SPEN: variants seen among roughly 807,000 people sequenced by gnomAD.
SPEN encodes the protein msx2-interacting protein.
SPEN carries 18 observed loss-of-function variants against 269.9 expected under a neutral mutation model. The ratio of observed to expected loss-of-function variants is 0.07; its 90% CI spans 0.05 to 0.10. The LOEUF (loss-of-function observed/expected upper bound fraction) is 0.10. SPEN is among the 10% of genes least tolerant of loss of function. The pLI is 1.00. For missense variants in SPEN, 3,822 were observed against 4,631.2 expected (o/e 0.83, Z 5.07); for synonymous variants, 1,726 against 1,765.7 (o/e 0.98, Z 0.56).
chr1:15,902,426 A>G (rs2070911237), intron 3 of SPEN, among the ~76,000 whole-genome samples: 1 of 152,086 alleles, frequency 6.6e-6, no homozygotes. Flanking sequence ...TCTTACACTT[A>G]GATAACTGCT....
intron 1 of SPEN, among the ~76,000 whole-genome samples, chr1:15,853,312 G>T (rs1444289519): frequency 1.3e-5 from 2 of 149,254 alleles, no homozygotes; most frequent in Admixed American, 1.4e-4. Context: ...ATAGCCTCCT[G>T]AGTAGCTGGG....
Position 15,847,936 on chromosome 1 carries a change from CGCCGCCGCT to C in SPEN, c.-127_-119del, listed in dbSNP as rs1442373500. On this transcript the variant is annotated 5_prime_UTR_variant, in exon 1 of 15. Coordinates refer to ENST00000375759, the MANE Select transcript of SPEN (RefSeq NM_015001.3). Reference sequence around the variant, plus strand: ...CTGCACGGGGGGGAGCCGGAGGAGCCGCCGCCGCTGCCGACGCCACCGCCGCAGCCGCCG... The same window carrying C: ...CTGCACGGGGGGGAGCCGGAGGAGCCGCCGACGCCACCGCCGCAGCCGCCG... The C allele has an allele frequency of 1.3e-5, 5 of 385,788 alleles. No homozygotes were observed. Among genetic ancestry groups the C allele is most frequent in the Non-Finnish European group, 2.2e-5 (5 of 227,770 alleles). The allele number at this position is 385,788 out of a possible 1,614,324, so 23.9% of individuals were successfully genotyped here.
rs2071089741 is a variant in SPEN, at chr1:15,918,849, A to G, written c.1396-77A>G. The G allele has an allele frequency of 1.4e-5, 17 of 1,229,622 alleles. No homozygotes were observed. In the South Asian group the frequency reaches 2.4e-4, roughly 17 times the overall value. The allele number at this position is 1,229,622 out of a possible 1,614,324, so 76.2% of individuals were successfully genotyped here. ...AGAACATGACTTTTTTGAGAAATAAATACCCTATATGGACTTGGTTCATTC... is the reference window on the plus strand; with the variant it reads ...AGAACATGACTTTTTTGAGAAATAAGTACCCTATATGGACTTGGTTCATTC... On this transcript the variant is annotated intron_variant, in intron 6 of 14. Transcript: ENST00000375759.
rs753462734 is a variant in SPEN, at chr1:15,936,218, C to T, written c.9978C>T (p.Pro3326=). 4.0e-5 allele frequency: 62 copies of T among 1,564,684 alleles called. No individual in the cohort carries two copies. The highest frequency in any genetic ancestry group is 4.4e-5 in the Non-Finnish European group (51 of 1,148,708). The part of the protein sequence containing the change: ...PPAQLTHTQF[P]AASSVGLPSR... ...CCCAGCTCACACACACTCAGTTTCC[C>T]GCCGCTTCCTCTGTTGGCCTGCCTT... is the stretch of plus-strand genomic sequence containing the variant. The change falls in exon 11 of 15, where the codon CCC becomes CCT. Residue 3326 remains proline, a synonymous_variant. Coordinates refer to ENST00000375759, the MANE Select transcript of SPEN (RefSeq NM_015001.3).
chr1:15,933,158 T>C lies in SPEN; in HGVS notation c.6918T>C (p.Ser2306=). ...CCAAGGAAGCCAGAGGAAATAGCAGTGAAACCTCACACTCAGTGCCAGAAG... is the reference window on the plus strand; with the variant it reads ...CCAAGGAAGCCAGAGGAAATAGCAGCGAAACCTCACACTCAGTGCCAGAAG... The part of the protein sequence containing the change: ...TDTKEARGNS[S]ETSHSVPEAK... The change falls in exon 11 of 15, where the codon AGT becomes AGC. Residue 2306 remains serine (S), a synonymous_variant. Coordinates refer to ENST00000375759, the MANE Select transcript of SPEN (RefSeq NM_015001.3). The surrounding 1 kb of genome is among the most constrained non-coding windows in gnomAD (Gnocchi z 5.7). 6.2e-7 allele frequency: 1 copy of C among 1,614,028 alleles called. No individual in the cohort carries two copies. Among genetic ancestry groups the C allele is most frequent in the Non-Finnish European group, 8.5e-7 (1 of 1,180,032 alleles).
rs200414729 is a variant in SPEN, at chr1:15,928,966, A to T, written c.2726A>T (p.Lys909Ile). 2 of 1,614,116 alleles carry T rather than the reference A, an allele frequency of 1.2e-6. No homozygotes were observed. The highest frequency in any genetic ancestry group is 2.7e-5 in the African/African-American group (2 of 74,936). ...GCCAAGCTTGATAATGACACTGTCA[A>T]ATCTTCTGCCCTGGACCAGAAACTT... ...LKAKLDNDTV[K>I]SSALDQKLQV... Residue 909 changes from lysine to isoleucine, a missense_variant, in exon 11 of 15, where the codon AAA becomes ATA. By Grantham distance (102) the Lys-to-Ile change is moderately radical. Transcript: ENST00000375759. This position sits in a 1 kb window ranked among gnomAD's most constrained non-coding sequence, Gnocchi z 5.7.
At chr1:15,888,115 G>T (rs1013608628) in intron 3 of SPEN, among the ~76,000 whole-genome samples, 1 of 151,000 alleles carries the variant, frequency 6.6e-6, no homozygotes, top group Non-Finnish European at 1.5e-5. Flanking sequence ...TTATTTATTT[G>T]TCTTTTTTTT....
Position 15,930,092 on chromosome 1 carries a change from A to G in SPEN, c.3852A>G (p.Val1284=), listed in dbSNP as rs1434506910. The change falls in exon 11 of 15, where the codon GTA becomes GTG. Residue 1284 remains valine (V), a synonymous_variant. Transcript: ENST00000375759. This position sits in a 1 kb window ranked among gnomAD's most constrained non-coding sequence, Gnocchi z 5.3. ...TAGGCTCCCCTAGGCTACTGTCAGT[A>G]AAAGGGTCTCCTAAAGTAGATGAAA... is the stretch of plus-strand genomic sequence containing the variant. ...DPIGSPRLLS[V]KGSPKVDEKV... is the part of the protein sequence containing the mutation. The G allele has an allele frequency of 4.3e-6, 7 of 1,614,232 alleles. No homozygotes were observed. Among genetic ancestry groups the G allele is most frequent in the Non-Finnish European group, 5.9e-6 (7 of 1,180,040 alleles).
chr1:15,920,925 A>G lies in SPEN; in HGVS notation c.1691A>G (p.Tyr564Cys), dbSNP rs898876185. 1.2e-6 allele frequency: 2 copies of G among 1,613,270 alleles called. No homozygotes were observed. The highest frequency in any genetic ancestry group is 2.7e-5 in the African/African-American group (2 of 74,906). Residue 564 changes from tyrosine (Y) to cysteine (C), a missense_variant, in exon 9 of 15, where the codon TAT becomes TGT. By Grantham distance (194) the Tyr-to-Cys change is radical. This residue lies in a region of SPEN where 230 missense variants were observed against 426.1 expected (regional missense o/e 0.54). Coordinates refer to ENST00000375759, the MANE Select transcript of SPEN (RefSeq NM_015001.3). Reference sequence around the variant, plus strand: ...CTGGTTCTCTACAATGAAATTGAATATGCACAAGCAGCTGTAAAAGAGACC... The same window carrying G: ...CTGGTTCTCTACAATGAAATTGAATGTGCACAAGCAGCTGTAAAAGAGACC... ...MALVLYNEIEYAQAAVKETKG... is the reference protein window; with the variant it reads ...MALVLYNEIECAQAAVKETKG...
chr1:15,853,578 C>T (rs528363029), intron 1 of SPEN, among the ~76,000 whole-genome samples: 1 of 152,118 alleles, frequency 6.6e-6, no homozygotes, highest in East Asian at 1.9e-4. Context: ...ACTGCAACCT[C>T]CTCCTCCTGG....
At position 15,927,523 on chromosome 1, in the gene SPEN, T is replaced by A. The variant is rs183616595; in HGVS notation, c.1851-568T>A. 2.2e-4 allele frequency among the ~76,000 whole-genome samples: 33 copies of A among 152,288 alleles called. No homozygotes were observed. In the East Asian group the frequency reaches 5.8e-3, roughly 27 times the overall value. On this transcript the variant is annotated intron_variant, in intron 10 of 14. Coordinates refer to ENST00000375759, the MANE Select transcript of SPEN (RefSeq NM_015001.3). ...ATAGATGGCAAAATTTTAGTTAAAATTTTTATCTGTTTTTCTAAACAGTGG... is the reference window on the plus strand; with the variant it reads ...ATAGATGGCAAAATTTTAGTTAAAAATTTTATCTGTTTTTCTAAACAGTGG...
At chr1:15,911,600 T>C (rs2071012576) in intron 5 of SPEN, among the ~76,000 whole-genome samples, 1 of 152,122 alleles carries the variant, frequency 6.6e-6, no homozygotes, top group African/African-American at 2.4e-5. Context: ...CCCAAAAGGA[T>C]TGAATTTATC....
At chr1:15,861,653 G>A (rs960594417) in intron 1 of SPEN, among the ~76,000 whole-genome samples, 2 of 151,632 alleles carry the variant, frequency 1.3e-5, no homozygotes, top group Admixed American at 6.6e-5. Context: ...TTTTTTTGTG[G>A]GGGGAGTAGT....
chr1:15,916,906 C>G (rs1345427104), intron 6 of SPEN, among the ~76,000 whole-genome samples: 1 of 152,136 alleles, frequency 6.6e-6, no homozygotes, highest in Non-Finnish European at 1.5e-5. Context: ...GTGGGCAGAT[C>G]ACTTTGAGCT....
rs774207507 is a variant in SPEN, at chr1:15,937,506, T to C, written c.10370T>C (p.Leu3457Ser). ...ACTCAGACTGCCCCAAAACAGCCGT[T>C]GTTTGTCCCAACAACCTCTGGCCCC... is the stretch of plus-strand genomic sequence containing the variant. ...LPTQTAPKQP[L>S]FVPTTSGPST... The change falls in exon 12 of 15, where the codon TTG becomes TCG. Residue 3457 changes from leucine (L) to serine (S), a missense_variant. Transcript: ENST00000375759. This position sits in a 1 kb window ranked among gnomAD's most constrained non-coding sequence, Gnocchi z 5.7. The C allele has an allele frequency of 1.2e-6, 2 of 1,614,100 alleles. No homozygotes were observed. Among genetic ancestry groups the C allele is most frequent in the Admixed American group, 3.3e-5 (2 of 60,016 alleles).
rs530301495 is a variant in SPEN, at chr1:15,883,617, G to A, written c.881+6939G>A. ...TTGGCTAAATGGATTACATGTGTGAGCCACTGTGCCCGGCCTAAAACAATT... is the reference window on the plus strand; with the variant it reads ...TTGGCTAAATGGATTACATGTGTGAACCACTGTGCCCGGCCTAAAACAATT... On this transcript the variant is annotated intron_variant, in intron 3 of 14. Coordinates refer to ENST00000375759, the MANE Select transcript of SPEN (RefSeq NM_015001.3). Among the ~76,000 whole-genome samples, 3 of 152,006 alleles carry A rather than the reference G, an allele frequency of 2.0e-5. No homozygotes were observed. In the East Asian group the frequency reaches 5.8e-4, roughly 29 times the overall value.
chr1:15,866,867 A>G (rs1004168222), intron 1 of SPEN, among the ~76,000 whole-genome samples: 3 of 152,212 alleles, frequency 2.0e-5, no homozygotes, highest in African/African-American at 7.2e-5. Flanking sequence ...AGGATGTGGC[A>G]TACAGTTGAT....
chr1:15,865,849 TA>T (rs2070501009), intron 1 of SPEN, among the ~76,000 whole-genome samples: 1 of 152,084 alleles, frequency 6.6e-6, no homozygotes, highest in South Asian at 2.1e-4. Context: ...CTTTTGACTT[TA>T]TATCTTGCTA....
Position 15,929,328 on chromosome 1 carries a change from C to T in SPEN, c.3088C>T (p.Leu1030=). ...CGTGTCCTCTAGAGAGGTCATTCTG[C>T]TGAGGGAAGGAGAGGCTGAAAGAAA... ...PDVSSREVIL[L]REGEAERKPV... is the part of the protein sequence containing the mutation. The change falls in exon 11 of 15, where the codon CTG becomes TTG. Residue 1030 remains leucine, a synonymous_variant. Coordinates refer to ENST00000375759, the MANE Select transcript of SPEN (RefSeq NM_015001.3). The surrounding 1 kb of genome is among the most constrained non-coding windows in gnomAD (Gnocchi z 5.8). 6.2e-7 allele frequency: 1 copy of T among 1,613,786 alleles called. No individual in the cohort carries two copies. The highest frequency in any genetic ancestry group is 1.1e-5 in the South Asian group (1 of 91,000).
Sources: gnomAD v4.1 joint callset for allele counts (sites outside exome capture counted in the v4.1 genomes callset) on GRCh38, gnomAD v4.1.1 for gene constraint, gnomAD v4.1.1 regional missense constraint, Gnocchi (gnomAD v3.1) non-coding constraint, MANE v1.5 for transcripts, NCBI Gene and HGNC (gene_info 2026-07-23, HGNC 2026-07-21) for gene names.